Variants in STAT5B observed in about 807,000 individuals in gnomAD.
STAT5B encodes the protein signal transducer and activator of transcription 5B, also known as transcription factor STAT5B.
STAT5B carries 21 observed loss-of-function variants against 107.8 expected under a neutral mutation model. That is an observed-to-expected ratio of 0.19 (90% confidence interval 0.14 to 0.28). The LOEUF (loss-of-function observed/expected upper bound fraction) is 0.28. Ranked by LOEUF, STAT5B falls within the 10% of genes least tolerant of loss-of-function variation. STAT5B has a pLI of 1.00. For synonymous variants in STAT5B, 325 were observed against 401.7 expected (o/e 0.81, Z 2.28); for missense variants, 565 against 1,008.2 (o/e 0.56, Z 5.95).
At position 42,276,016 on chromosome 17, in the gene STAT5B, G is replaced by T. The variant is rs1400213999; in HGVS notation, c.-11+232C>A. Reference sequence around the variant, plus strand: ...CGCCCCCCGCGGCGCCGCGGCGTTCGCAAGTCCCCCTCGCGCACCCCGCAT... The same window carrying T: ...CGCCCCCCGCGGCGCCGCGGCGTTCTCAAGTCCCCCTCGCGCACCCCGCAT... On this transcript the variant is annotated intron_variant, in intron 1 of 18. Coordinates refer to ENST00000293328, the MANE Select transcript of STAT5B (RefSeq NM_012448.4). This position sits in a 1 kb window ranked among gnomAD's most constrained non-coding sequence, Gnocchi z 4.8. 2.6e-5 allele frequency among the ~76,000 whole-genome samples: 4 copies of T among 151,050 alleles called. No homozygotes were observed. Among genetic ancestry groups the T allele is most frequent in the Non-Finnish European group, 5.9e-5 (4 of 67,646 alleles).
chr17:42,246,794 A>G (rs1431651545), intron 1 of STAT5B, among the ~76,000 whole-genome samples: 1 of 152,180 alleles, frequency 6.6e-6, no homozygotes, highest in Non-Finnish European at 1.5e-5. Flanking sequence ...TTCTAAACAC[A>G]AACAAACACA....
chr17:42,258,170 C>T (rs2080563281), intron 1 of STAT5B, among the ~76,000 whole-genome samples: 1 of 152,118 alleles, frequency 6.6e-6, no homozygotes, highest in Non-Finnish European at 1.5e-5. Context: ...CAATAAATTA[C>T]ATCAGGATGT....
intron 1 of STAT5B, among the ~76,000 whole-genome samples, chr17:42,274,661 A>G (rs2080750453): frequency 6.6e-6 from 1 of 152,190 alleles, no homozygotes; most frequent in African/African-American, 2.4e-5. Flanking sequence ...AGTGTTACAA[A>G]ATGAAATTTT....
chr17:42,235,917 GC>G (rs1468923730), intron 1 of STAT5B, among the ~76,000 whole-genome samples: 1 of 152,176 alleles, frequency 6.6e-6, no homozygotes, highest in Non-Finnish European at 1.5e-5. Context: ...ATATTTAGGA[GC>G]CTATTACTGT....
intron 1 of STAT5B, among the ~76,000 whole-genome samples, chr17:42,253,140 T>TTTCTTTCTTTC (rs550252928): frequency 4.8e-4 from 72 of 148,780 alleles, no homozygotes; most frequent in African/African-American, 1.8e-3. Flanking sequence ...TTCTTTCTTT[T>TTTCTTTCTTTC]TTTCATCTCT....
rs555417832 is a variant in STAT5B at position 42,230,768 on chromosome 17, C to T, written c.128+1232G>A. On this transcript the variant is annotated intron_variant, in intron 2 of 18. Coordinates refer to ENST00000293328, the MANE Select transcript of STAT5B (RefSeq NM_012448.4). ...CTCTGCCTCCCGACTTCAAGCGATT[C>T]TCATGCTTTAGCCTCCAGAGTAGCT... is the stretch of plus-strand genomic sequence containing the variant. 2.3e-4 allele frequency among the ~76,000 whole-genome samples: 35 copies of T among 151,864 alleles called. 1 individual carries two copies. In the South Asian group the frequency reaches 4.6e-3, roughly 20 times the overall value.
At chr17:42,218,112 A>G (rs1441673854) in intron 9 of STAT5B, 39 bp downstream of exon 9, 1 of 1,604,430 alleles carries the variant, frequency 6.2e-7, no homozygotes, top group Non-Finnish European at 8.5e-7. Flanking sequence ...CCAGGACATG[A>G]GACAAGTAGC....
At chr17:42,212,265 C>G in intron 12 of STAT5B, 75 bp from the exon 13 acceptor site, 1 of 1,610,036 alleles carries the variant, frequency 6.2e-7, no homozygotes, top group Non-Finnish European at 8.5e-7. Context: ...AAAAGAAAAA[C>G]GCTGATGGCT....
At chr17:42,247,368 A>C (rs1466603423) in intron 1 of STAT5B, among the ~76,000 whole-genome samples, 1 of 152,246 alleles carries the variant, frequency 6.6e-6, no homozygotes, top group Non-Finnish European at 1.5e-5. Flanking sequence ...ATGAATTAAA[A>C]TGTTTCATTT....
chr17:42,283,011 A>C, the STAT5B span, among the ~76,000 whole-genome samples: 16 of 152,210 alleles, frequency 1.1e-4, no homozygotes, highest in Non-Finnish European at 1.5e-5. Context: ...ACAATGAGAA[A>C]CAGATTCTAC....
chr17:42,201,748 G>A lies in STAT5B; in HGVS notation c.2354C>T (p.Ala785Val). 4 of 1,604,062 alleles carry A rather than the reference G, an allele frequency of 2.5e-6. No individual in the cohort carries two copies. Among genetic ancestry groups the A allele is most frequent in the Non-Finnish European group, 3.4e-6 (4 of 1,170,770 alleles). Residue 785 changes from alanine (A) to valine (V), a missense_variant, in exon 19 of 19, where the codon GCA (alanine) becomes GTA (valine). Around this residue, in one of 11 missense-constraint regions of STAT5B, gnomAD observed 76 missense variants for 110.2 expected, o/e 0.69. Coordinates refer to ENST00000293328, the MANE Select transcript of STAT5B (RefSeq NM_012448.4). ...GGAGAGGTCGCGGGGTCACGATTGT[G>A]CGTGCGGGATCCACTGACTGTCCAT... ...RPMDSQWIPH[A>V]QS
intron 1 of STAT5B, among the ~76,000 whole-genome samples, chr17:42,245,138 C>A (rs1412126055): frequency 7.3e-6 from 1 of 137,806 alleles, no homozygotes; most frequent in African/African-American, 2.8e-5. Flanking sequence ...AGTGCAGTGG[C>A]GCGATCTCGG....
At chr17:42,224,140 G>C (rs1182938600) in intron 4 of STAT5B, among the ~76,000 whole-genome samples, 1 of 152,092 alleles carries the variant, frequency 6.6e-6, no homozygotes, top group Non-Finnish European at 1.5e-5. Flanking sequence ...AGCCCTGTAA[G>C]TGACCTGATC....
At chr17:42,241,497 C>T (rs2080402584) in intron 1 of STAT5B, among the ~76,000 whole-genome samples, 1 of 150,044 alleles carries the variant, frequency 6.7e-6, no homozygotes, top group Admixed American at 6.6e-5. Context: ...GGCTGGAGTG[C>T]AGTGGCATGA....
chr17:42,224,223 C>A (rs1459207569), intron 4 of STAT5B, among the ~76,000 whole-genome samples: 1 of 152,178 alleles, frequency 6.6e-6, no homozygotes, highest in Non-Finnish European at 1.5e-5. Context: ...TGAATATGAG[C>A]ATGCCTTTAC....
intron 16 of STAT5B, among the ~76,000 whole-genome samples, chr17:42,204,095 C>A (rs2080067755): frequency 6.6e-6 from 1 of 152,202 alleles, no homozygotes; most frequent in African/African-American, 2.4e-5. Context: ...CCTGCACGCT[C>A]CTTCACGCCT....
At chr17:42,276,404 G>T (rs1029513596), upstream of STAT5B, 16 of 146,924 alleles carry the variant, frequency 1.1e-4, no homozygotes, top group African/African-American at 3.4e-4. This position sits in a 1 kb window ranked among gnomAD's most constrained non-coding sequence, Gnocchi z 4.8. Context: ...CTCTCCTCCC[G>T]CCGGGGCCCG....
intron 16 of STAT5B, among the ~76,000 whole-genome samples, chr17:42,206,253 C>T (rs999703053): frequency 6.6e-6 from 1 of 152,098 alleles, no homozygotes; most frequent in Non-Finnish European, 1.5e-5. Flanking sequence ...CCACACCTGA[C>T]TACTTTTTGT....
chr17:42,209,286 C>T (rs1417124488), intron 15 of STAT5B, among the ~76,000 whole-genome samples: 2 of 147,720 alleles, frequency 1.4e-5, no homozygotes, highest in African/African-American at 5.0e-5. Context: ...AACTCCTGGC[C>T]TCAAGAGATC....
Sources: gnomAD v4.1 joint callset for allele counts (sites outside exome capture counted in the v4.1 genomes callset) on GRCh38, gnomAD v4.1.1 for gene constraint, gnomAD v4.1.1 regional missense constraint, Gnocchi (gnomAD v3.1) non-coding constraint, MANE v1.5 for transcripts, NCBI Gene and HGNC (gene_info 2026-07-23, HGNC 2026-07-21) for gene names.